The following GDA variants were observed in gnomAD, a reference collection of about 807,000 sequenced individuals.
GDA encodes the protein guanine deaminase.
Under a neutral mutation model 59.6 loss-of-function variants are expected in GDA, and 18 were observed. The observed-to-expected ratio is 0.30, with a 90% CI of 0.21 to 0.45. The LOEUF is 0.45. GDA is among the 20% of genes least tolerant of loss of function. GDA has a pLI of 1.00. For synonymous variants in GDA, 201 were observed against 201.1 expected (o/e 1.00, Z 0.00); for missense variants, 427 against 552.3 (o/e 0.77, Z 2.27).
chr9:72,201,648 A>G (rs1164688297), intron 2 of GDA, among the ~76,000 whole-genome samples: 1 of 152,196 alleles, frequency 6.6e-6, no homozygotes, highest in African/African-American at 2.4e-5. Flanking sequence ...ATACTTACCT[A>G]GGATAATGGT....
chr9:72,245,042 T>G (rs1840001893), intron 11 of GDA, 106 bp from the exon 12 acceptor site: 1 of 951,054 alleles, frequency 1.1e-6, no homozygotes, highest in Non-Finnish European at 1.6e-6. Flanking sequence ...ACTAATTTTT[T>G]TTTTTCTCCT....
chr9:72,141,860 G>A (rs1826452909), intron 1 of GDA, among the ~76,000 whole-genome samples: 1 of 152,300 alleles, frequency 6.6e-6, no homozygotes, highest in South Asian at 2.1e-4. Context: ...GCACATTAGA[G>A]ATGTATAGAT....
intron 1 of GDA, among the ~76,000 whole-genome samples, chr9:72,139,250 A>G (rs1362851246): frequency 6.6e-6 from 1 of 152,226 alleles, no homozygotes; most frequent in Non-Finnish European, 1.5e-5. Context: ...TTAGGATGAC[A>G]TGAGGAATGG....
Position 72,135,672 on chromosome 9 carries a change from G to A in GDA, c.-100+20839G>A, listed in dbSNP as rs145682779. Among the ~76,000 whole-genome samples the A allele has an allele frequency of 3.3e-3, 501 of 152,218 alleles. 2 individuals carry two copies. The highest frequency in any genetic ancestry group is 0.012 in the African/African-American group (487 of 41,562). The stretch of plus-strand genomic sequence containing the variant: ...TGGCCTGGCGCGGTGACTCACGCCT[G>A]TAATCCAGCACTTTGGGAGGCCGAG... On this transcript the variant is annotated intron_variant, in intron 1 of 13. Coordinates refer to the GDA transcript ENST00000545168.
At chr9:72,203,761 A>G (rs551939976) in intron 3 of GDA, among the ~76,000 whole-genome samples, 81 of 151,864 alleles carry the variant, frequency 5.3e-4, no homozygotes, top group African/African-American at 1.9e-3. Flanking sequence ...CCATCTTGCC[A>G]GTTTTTTTGG....
Position 72,213,981 on chromosome 9 carries a change from G to A in GDA, c.568G>A (p.Glu190Lys). The A allele has an allele frequency of 6.4e-7, 1 of 1,560,886 alleles. No homozygotes were observed. The highest frequency in any genetic ancestry group is 8.8e-7 in the Non-Finnish European group (1 of 1,131,620). Residue 190 changes from glutamate (E) to lysine (K), a missense_variant, in exon 5 of 14, where the codon GAA becomes AAA. By Grantham distance (56) the Glu-to-Lys change is moderately conservative. Transcript: ENST00000358399. ...GGAGACCACTGAGGAATCGATCAAG[G>A]AAACTGAGAGGTAAAAGGCCCATTT... The part of the protein sequence containing the change: ...YKETTEESIK[E>K]TERFVSEMLQ...
intron 1 of GDA, among the ~76,000 whole-genome samples, chr9:72,156,044 G>C (rs1319763688): frequency 6.6e-6 from 1 of 152,186 alleles, no homozygotes; most frequent in Non-Finnish European, 1.5e-5. Context: ...TGGAGAGGTG[G>C]ATAGAATCAG....
In GDA at chr9:72,231,122, G is replaced by A. The variant is rs1277284988; in HGVS notation, c.929G>A (p.Ser310Asn). The change falls in exon 10 of 14, where the codon AGT becomes AAT. Residue 310 changes from serine to asparagine, a missense_variant. By Grantham distance (46) the Ser-to-Asn change is conservative (BLOSUM62 1). Coordinates refer to ENST00000358399, the MANE Select transcript of GDA (RefSeq NM_004293.5). ...HCPNSNLSLS[S>N]GFLNVLEVLK... is the part of the protein sequence containing the mutation. ...ATCTCCTCTCTCTACAGGCTCAGCA[G>A]TGGATTTCTAAATGTGCTAGAAGTC... 3.8e-6 allele frequency: 6 copies of A among 1,582,118 alleles called. No homozygotes were observed. The highest frequency in any genetic ancestry group is 3.3e-5 in the Admixed American group (2 of 59,958).
At chr9:72,153,287 T>C (rs1354234796) in intron 1 of GDA, among the ~76,000 whole-genome samples, 1 of 152,054 alleles carries the variant, frequency 6.6e-6, no homozygotes, top group Non-Finnish European at 1.5e-5. Flanking sequence ...CTTTTTTGGT[T>C]CCATATGAAC....
At chr9:72,119,485 T>G (rs933260741) in intron 1 of GDA, among the ~76,000 whole-genome samples, 1 of 152,112 alleles carries the variant, frequency 6.6e-6, no homozygotes, top group Non-Finnish European at 1.5e-5. Flanking sequence ...GATGACAGAG[T>G]GAGACCCTGT....
chr9:72,249,904 A>G lies in GDA; in HGVS notation c.*1562A>G. 1 of 966,308 alleles carries G rather than the reference A, an allele frequency of 1.0e-6. No individual in the cohort carries two copies. The highest frequency in any genetic ancestry group is 1.2e-6 in the Non-Finnish European group (1 of 812,422). 59.9% of individuals were successfully genotyped at this position (966,308 alleles called of 1,614,324 possible). ...CACATACTTAGCTAATTTAGCAGTA[A>G]TTGGCCCAGTTTTTTCCCTAATAGA... On this transcript the variant is annotated 3_prime_UTR_variant, in exon 14 of 14. Transcript: ENST00000358399.
At chr9:72,165,645 C>T (rs1015107803) in intron 1 of GDA, among the ~76,000 whole-genome samples, 1 of 152,060 alleles carries the variant, frequency 6.6e-6, no homozygotes, top group Admixed American at 6.6e-5. Flanking sequence ...TGCCTGTAAT[C>T]CCAGCACTGT....
At chr9:72,132,182 G>T (rs555673560) in intron 1 of GDA, among the ~76,000 whole-genome samples, 23 of 152,288 alleles carry the variant, frequency 1.5e-4, no homozygotes, top group African/African-American at 5.5e-4. Context: ...TGGGAACAAA[G>T]CCAAACCATG....
At chr9:72,125,878 A>G (rs1437830717) in intron 1 of GDA, among the ~76,000 whole-genome samples, 1 of 151,994 alleles carries the variant, frequency 6.6e-6, no homozygotes, top group Non-Finnish European at 1.5e-5. Context: ...TGGCTTTTCT[A>G]TGATTTTGGA....
At chr9:72,146,304 G>A (rs1479751596), upstream of GDA, among the ~76,000 whole-genome samples, 1 of 152,100 alleles carries the variant, frequency 6.6e-6, no homozygotes, top group Non-Finnish European at 1.5e-5. Flanking sequence ...TCCATGCCAA[G>A]GCGGGGCTCT....
At chr9:72,180,964 G>A (rs543984829) in intron 1 of GDA, among the ~76,000 whole-genome samples, 48 of 152,210 alleles carry the variant, frequency 3.2e-4, no homozygotes, top group African/African-American at 1.1e-3. Flanking sequence ...CATTGCCTTC[G>A]CTTCTTCTGT....
At chr9:72,228,175 C>CA in intron 9 of GDA, 135 bp downstream of exon 9, 1 of 642,838 alleles carries the variant, frequency 1.6e-6, no homozygotes, top group Admixed American at 2.3e-5. Flanking sequence ...GATAGATAGA[C>CA]ATTTACTCGT....
intron 1 of GDA, among the ~76,000 whole-genome samples, chr9:72,155,233 G>C (rs922675426): frequency 1.8e-4 from 28 of 152,170 alleles, no homozygotes; most frequent in Non-Finnish European, 1.8e-4. Context: ...GCGGCAGCAA[G>C]AGAGAATGAG....
At chr9:72,243,728 A>G (rs1839862865) in intron 11 of GDA, among the ~76,000 whole-genome samples, 1 of 152,218 alleles carries the variant, frequency 6.6e-6, no homozygotes, top group South Asian at 2.1e-4. Context: ...AACAAGTAAG[A>G]TTTCTGAGTC....
Sources: allele counts gnomAD v4.1 joint callset (sites outside exome capture counted in the v4.1 genomes callset), GRCh38; gene constraint gnomAD v4.1.1; transcripts MANE v1.5; gene names NCBI Gene and HGNC (gene_info 2026-07-23, HGNC 2026-07-21).